GFOD1: variants seen among roughly 807,000 people sequenced by gnomAD.
GFOD1 encodes the protein Gfo/Idh/MocA-like oxidoreductase domain containing 1.
A neutral mutation model predicts 25.4 loss-of-function variants in GFOD1; 9 were observed. The observed-to-expected ratio is 0.35, with a 90% CI of 0.21 to 0.62. The LOEUF (loss-of-function observed/expected upper bound fraction) is 0.62. GFOD1 is among the 20% of genes least tolerant of loss of function. The pLI, the probability that GFOD1 is intolerant of heterozygous loss-of-function variation, is 0.72. For synonymous variants in GFOD1, 253 were observed against 245.6 expected, an observed-to-expected ratio of 1.03 and a Z score of -0.28; for missense variants, 403 against 556.9, an observed-to-expected ratio of 0.72 and a Z score of 2.78.
At chr6:13,461,864 G>A (rs1190641572) in intron 1 of GFOD1, among the ~76,000 whole-genome samples, 1 of 152,184 alleles carries the variant, frequency 6.6e-6, no homozygotes, top group African/African-American at 2.4e-5. Flanking sequence ...CAGAGTGATG[G>A]GCACCAAGAA....
Position 13,419,176 on chromosome 6 carries a change from A to G in GFOD1, c.254-53514T>C, listed in dbSNP as rs145320642. On this transcript the variant is annotated intron_variant, in intron 1 of 1. Transcript: ENST00000379287. ...GTTGCTGAAAGAACTTGGAAGATTC[A>G]TGCCCATTTGAGAGGTGAACGTCTT... Among the ~76,000 whole-genome samples, 4 of 152,358 alleles carry G rather than the reference A, an allele frequency of 2.6e-5. No individual in the cohort carries two copies. The East Asian group carries it at 7.7e-4, about 29-fold the overall frequency.
chr6:13,461,385 C>T (rs1035086341), intron 1 of GFOD1, among the ~76,000 whole-genome samples: 1 of 152,180 alleles, frequency 6.6e-6, no homozygotes, highest in Non-Finnish European at 1.5e-5. Flanking sequence ...CAGGCCCAGC[C>T]CCACACAGAC....
At position 13,447,888 on chromosome 6, in the gene GFOD1, A is replaced by AGAGGGCTGAG. The variant is rs1243593122; in HGVS notation, c.253+38740_253+38749dup. 1.6e-4 allele frequency among the ~76,000 whole-genome samples: 25 copies of AGAGGGCTGAG among 152,242 alleles called. No homozygotes were observed. The South Asian group carries it at 5.2e-3, about 32-fold the overall frequency. On this transcript the variant is annotated intron_variant, in intron 1 of 1. Coordinates refer to ENST00000379287, the MANE Select transcript of GFOD1 (RefSeq NM_018988.4). ...TAGGAGGTGAGGATGAAAGAGGCAC[A>AGAGGGCTGAG]GAGGGCTGAGGAGGGCTGGAACTCT... is the stretch of plus-strand genomic sequence containing the variant.
chr6:13,377,534 G>A (rs1785278703), intron 1 of GFOD1, among the ~76,000 whole-genome samples: 1 of 152,202 alleles, frequency 6.6e-6, no homozygotes, highest in Non-Finnish European at 1.5e-5. Flanking sequence ...ACAGCATGTG[G>A]AAGTTGGATG....
intron 1 of GFOD1, among the ~76,000 whole-genome samples, chr6:13,405,866 C>T (rs1052815440): frequency 7.9e-5 from 12 of 152,086 alleles, no homozygotes; most frequent in African/African-American, 2.7e-4. Context: ...GCATAAAAGA[C>T]GGGATTGAGA....
chr6:13,463,990 C>A (rs1052707932), intron 1 of GFOD1, among the ~76,000 whole-genome samples: 1 of 152,114 alleles, frequency 6.6e-6, no homozygotes, highest in African/African-American at 2.4e-5. Context: ...CAACAAAAAA[C>A]AAACCATATA....
At position 13,363,361 on chromosome 6, in the gene GFOD1, T is replaced by C. The variant is rs1286808777; in HGVS notation, c.*1382A>G. 1.7e-4 allele frequency: 26 copies of C among 152,088 alleles called. No homozygotes were observed. Among genetic ancestry groups the C allele is most frequent in the Admixed American group, 1.6e-3 (25 of 15,268 alleles). 9.4% of individuals were successfully genotyped at this position (152,088 alleles called of 1,614,324 possible). On this transcript the variant is annotated 3_prime_UTR_variant, in exon 2 of 2. Coordinates refer to ENST00000379287, the MANE Select transcript of GFOD1 (RefSeq NM_018988.4). The stretch of plus-strand genomic sequence containing the variant: ...AAGGACAAGACAGACAGCAGACCAA[T>C]TAGAAGAACATGTTTTTTCCAACAT...
intron 1 of GFOD1, among the ~76,000 whole-genome samples, chr6:13,479,468 T>G (rs1183778762): frequency 6.6e-6 from 1 of 152,214 alleles, no homozygotes; most frequent in Non-Finnish European, 1.5e-5. Context: ...AAGCACAACA[T>G]CTTATATAAT....
intron 1 of GFOD1, among the ~76,000 whole-genome samples, chr6:13,368,538 G>A (rs181126802): frequency 5.3e-5 from 8 of 152,300 alleles, no homozygotes; most frequent in Admixed American, 2.0e-4. Context: ...TCACTGCAGG[G>A]ACAGGTGATA....
In GFOD1 at chr6:13,361,935, G is replaced by A. The variant is rs1289839940; in HGVS notation, c.*2808C>T. ...TTGTGGGGACCTCTCTCCAAAACCC[G>A]AAGTTTTGGGAAAAGATTTCGCGAG... On this transcript the variant is annotated 3_prime_UTR_variant, in exon 2 of 2. Coordinates refer to ENST00000379287, the MANE Select transcript of GFOD1 (RefSeq NM_018988.4). The A allele has an allele frequency of 6.6e-6, 1 of 152,046 alleles. No individual in the cohort carries two copies. Among genetic ancestry groups the A allele is most frequent in the Non-Finnish European group, 1.5e-5 (1 of 68,018 alleles). 9.4% of individuals were successfully genotyped at this position (152,046 alleles called of 1,614,324 possible). A position where few individuals can be genotyped will look rare whatever the true frequency, so the allele number is the denominator to read the frequency against.
intron 1 of GFOD1, among the ~76,000 whole-genome samples, chr6:13,463,825 G>A (rs1482164981): frequency 7.2e-5 from 11 of 152,032 alleles, no homozygotes. Flanking sequence ...CACTAATTAT[G>A]ATCCAGTACA....
At chr6:13,420,984 C>A (rs984538248) in intron 1 of GFOD1, among the ~76,000 whole-genome samples, 1 of 152,074 alleles carries the variant, frequency 6.6e-6, no homozygotes, top group Non-Finnish European at 1.5e-5. Flanking sequence ...CGAGGGGGAG[C>A]CACGAACCAC....
At position 13,486,641 on chromosome 6, in the gene GFOD1, G is replaced by T; in HGVS notation, c.250C>A (p.Leu84Ile). ...ATGCGGGGTAGGGGTCGCTCACCTA[G>T]GGTTTTGACAGCGATCTGTCTGGTG... ...PLTRQIAVKTLGIGKNVICDR... is the reference protein window; with the variant it reads ...PLTRQIAVKTIGIGKNVICDR... The change falls in exon 1 of 2, where the codon CTA (leucine) becomes ATA (isoleucine). Residue 84 changes from leucine to isoleucine, a missense_variant. Coordinates refer to ENST00000379287, the MANE Select transcript of GFOD1 (RefSeq NM_018988.4). 6.2e-7 allele frequency: 1 copy of T among 1,613,988 alleles called. No homozygotes were observed. Among genetic ancestry groups the T allele is most frequent in the South Asian group, 1.1e-5 (1 of 91,082 alleles).
intron 1 of GFOD1, among the ~76,000 whole-genome samples, chr6:13,409,225 G>A (rs1310514669): frequency 7.4e-6 from 1 of 135,218 alleles, no homozygotes; most frequent in Non-Finnish European, 1.6e-5. Flanking sequence ...GAGAGAGAGA[G>A]GAAGGAAGGA....
At chr6:13,379,507 G>T (rs897318492) in intron 1 of GFOD1, among the ~76,000 whole-genome samples, 1 of 152,142 alleles carries the variant, frequency 6.6e-6, no homozygotes, top group African/African-American at 2.4e-5. Context: ...TGCAATGACG[G>T]CTTCTATCAC....
At position 13,424,979 on chromosome 6, in the gene GFOD1, G is replaced by A. The variant is rs1284798935; in HGVS notation, c.254-59317C>T. 8.6e-5 allele frequency among the ~76,000 whole-genome samples: 9 copies of A among 104,108 alleles called. 1 individual carries two copies. Among genetic ancestry groups the A allele is most frequent in the African/African-American group, 6.1e-5 (1 of 16,468 alleles). The allele number at this position is 104,108 out of a possible 152,430, so 68.3% of individuals were successfully genotyped here. A position where few individuals can be genotyped will look rare whatever the true frequency, so the allele number is the denominator to read the frequency against. ...TTCTTTTTTTTTTTTTTTTTTTTGA[G>A]ATAGGGTCTCATCCTGTAGCCCAGG... On this transcript the variant is annotated intron_variant, in intron 1 of 1. Transcript: ENST00000379287.
intron 1 of GFOD1, among the ~76,000 whole-genome samples, chr6:13,478,158 CAG>C (rs1758669868): frequency 6.6e-6 from 1 of 151,660 alleles, no homozygotes; most frequent in Non-Finnish European, 1.5e-5. Context: ...TGTTTTGAGA[CAG>C]AGTTTTTTTC....
rs991217367 is a variant in GFOD1 at position 13,362,558 on chromosome 6, A to T, written c.*2185T>A. On this transcript the variant is annotated 3_prime_UTR_variant, in exon 2 of 2. Coordinates refer to ENST00000379287, the MANE Select transcript of GFOD1 (RefSeq NM_018988.4). ...TTATTGGGAGACTTCCATTCCAGCA[A>T]ATCTCTGGTTTGGAACTGATAGCTG... 6.6e-6 allele frequency: 1 copy of T among 152,136 alleles called. No individual in the cohort carries two copies. Among genetic ancestry groups the T allele is most frequent in the Non-Finnish European group, 1.5e-5 (1 of 68,030 alleles). 9.4% of individuals were successfully genotyped at this position (152,136 alleles called of 1,614,324 possible).
At chr6:13,409,828 C>T (rs1240335041) in intron 1 of GFOD1, among the ~76,000 whole-genome samples, 1 of 150,590 alleles carries the variant, frequency 6.6e-6, no homozygotes, top group African/African-American at 2.5e-5. Context: ...GAGGCTGAGG[C>T]AGGAGAATGG....
Sources: gnomAD v4.1 joint callset for allele counts (sites outside exome capture counted in the v4.1 genomes callset) on GRCh38, gnomAD v4.1.1 for gene constraint, MANE v1.5 for transcripts, NCBI Gene and HGNC (gene_info 2026-07-23, HGNC 2026-07-21) for gene names.